DLGAP1: variants seen among roughly 807,000 people sequenced by gnomAD.
DLGAP1 encodes the protein disks large-associated protein 1.
DLGAP1 carries 11 observed loss-of-function variants against 90.8 expected under a neutral mutation model. That is an observed-to-expected ratio of 0.12 (90% CI 0.08 to 0.20). The LOEUF (loss-of-function observed/expected upper bound fraction) is 0.20. Ranked by LOEUF, DLGAP1 falls within the 10% of genes least tolerant of loss-of-function variation. The pLI, the probability that DLGAP1 is intolerant of heterozygous loss-of-function variation, is 1.00. For missense variants in DLGAP1, 1,050 were observed against 1,333.8 expected, an observed-to-expected ratio of 0.79 and a Z score of 3.31; for synonymous variants, 558 against 540.7, an observed-to-expected ratio of 1.03 and a Z score of -0.44.
intron 7 of DLGAP1, among the ~76,000 whole-genome samples, chr18:3,656,720 T>C (rs1301600945): frequency 6.6e-6 from 1 of 152,142 alleles, no homozygotes; most frequent in East Asian, 1.9e-4. Flanking sequence ...CTGATATTTA[T>C]GCACCTTTGC....
At chr18:3,931,616 C>G (rs2072516995) in intron 3 of DLGAP1, among the ~76,000 whole-genome samples, 1 of 152,108 alleles carries the variant, frequency 6.6e-6, no homozygotes, top group Non-Finnish European at 1.5e-5. Flanking sequence ...CTCGTCTGGC[C>G]TTTGGAAAGC....
At chr18:4,095,115 G>A (rs1408792298) in intron 2 of DLGAP1, among the ~76,000 whole-genome samples, 1 of 152,102 alleles carries the variant, frequency 6.6e-6, no homozygotes, top group Admixed American at 6.5e-5. Context: ...CTTCCTGAGA[G>A]CATTTGAAAT....
intron 1 of DLGAP1, among the ~76,000 whole-genome samples, chr18:4,152,366 T>C (rs2076689084): frequency 6.6e-6 from 1 of 152,218 alleles, no homozygotes; most frequent in Non-Finnish European, 1.5e-5. Context: ...ATTATAGTGC[T>C]TAAATGAGTG....
At chr18:3,759,151 C>G (rs1476003838) in intron 5 of DLGAP1, among the ~76,000 whole-genome samples, 1 of 151,982 alleles carries the variant, frequency 6.6e-6, no homozygotes, top group Non-Finnish European at 1.5e-5. Flanking sequence ...TTTGGTATCT[C>G]CTAGAAGCTC....
intron 1 of DLGAP1, among the ~76,000 whole-genome samples, chr18:4,238,112 A>G (rs1231636085): frequency 6.6e-6 from 1 of 152,146 alleles, no homozygotes; most frequent in African/African-American, 2.4e-5. Context: ...TTTAGATGTC[A>G]GATTTTTGGA....
At chr18:4,189,569 C>T (rs965432035) in intron 1 of DLGAP1, among the ~76,000 whole-genome samples, 3 of 152,060 alleles carry the variant, frequency 2.0e-5, no homozygotes, top group African/African-American at 7.2e-5. Context: ...TCAATGCAAT[C>T]CCAATCAAAA....
At chr18:4,073,549 G>A (rs1021132430) in intron 2 of DLGAP1, among the ~76,000 whole-genome samples, 3 of 152,136 alleles carry the variant, frequency 2.0e-5, no homozygotes, top group African/African-American at 7.2e-5. Context: ...AGAGGTAGAA[G>A]CATATCTAAG....
At chr18:3,629,024 C>G (rs1183307842) in intron 7 of DLGAP1, among the ~76,000 whole-genome samples, 1 of 152,136 alleles carries the variant, frequency 6.6e-6, no homozygotes, top group Non-Finnish European at 1.5e-5. Context: ...TTCATAATGT[C>G]AAATAATATT....
intron 3 of DLGAP1, among the ~76,000 whole-genome samples, chr18:3,903,092 G>A (rs1198815918): frequency 6.6e-6 from 1 of 152,044 alleles, no homozygotes; most frequent in Non-Finnish European, 1.5e-5. Context: ...TCAATTGCAC[G>A]CTCTTGGAAG....
In DLGAP1 at chr18:3,701,998, T is replaced by C. The variant is rs143625932; in HGVS notation, c.1591+27137A>G. ...AAGGTTGAGATGTATACATTTATGT[T>C]ATTCTCTATGTATGAGTACCCTGAC... is the stretch of plus-strand genomic sequence containing the variant. On this transcript the variant is annotated intron_variant, in intron 7 of 12. Transcript: ENST00000315677. 4.3e-4 allele frequency among the ~76,000 whole-genome samples: 66 copies of C among 152,256 alleles called. 1 individual carries two copies. The highest frequency in any genetic ancestry group is 7.4e-4 in the Non-Finnish European group (50 of 68,010).
At position 3,669,260 on chromosome 18, in the gene DLGAP1, G is replaced by C. The variant is rs60734229; in HGVS notation, c.1591+59875C>G. On this transcript the variant is annotated intron_variant, in intron 7 of 12. Transcript: ENST00000315677. The stretch of plus-strand genomic sequence containing the variant: ...AGTGCTGGGAAGGGAAGAGCGTGAT[G>C]CCTTTAAATGATACGGAAGAGGGGA... Among the ~76,000 whole-genome samples the C allele has an allele frequency of 0.016, 2,373 of 152,146 alleles. 94 individuals carry two copies. In the East Asian group the frequency reaches 0.16, roughly 10 times the overall value.
At chr18:4,219,139 G>C (rs1256868024) in intron 1 of DLGAP1, among the ~76,000 whole-genome samples, 1 of 142,480 alleles carries the variant, frequency 7.0e-6, no homozygotes, top group Non-Finnish European at 1.5e-5. Context: ...TTGTCAACAT[G>C]TTATCTTTTG....
At chr18:4,148,533 T>G (rs1328514074) in intron 2 of DLGAP1, among the ~76,000 whole-genome samples, 1 of 152,162 alleles carries the variant, frequency 6.6e-6, no homozygotes, top group Non-Finnish European at 1.5e-5. Flanking sequence ...TAATTTTTCT[T>G]TGGTTATTCA....
At chr18:3,540,084 C>T (rs983708120) in intron 9 of DLGAP1, among the ~76,000 whole-genome samples, 7 of 152,126 alleles carry the variant, frequency 4.6e-5, no homozygotes, top group Non-Finnish European at 8.8e-5. Flanking sequence ...AAATGGCACC[C>T]TTTCACTGAT....
intron 1 of DLGAP1, among the ~76,000 whole-genome samples, chr18:4,247,646 A>G (rs1040449480): frequency 1.3e-5 from 2 of 152,014 alleles, no homozygotes; most frequent in African/African-American, 2.4e-5. Flanking sequence ...GCGTGGTGGC[A>G]GGCGCCTGTA....
At chr18:3,830,090 G>T (rs1233530762) in intron 4 of DLGAP1, among the ~76,000 whole-genome samples, 1 of 152,200 alleles carries the variant, frequency 6.6e-6, no homozygotes, top group Non-Finnish European at 1.5e-5. Context: ...GACCCACAAA[G>T]GCCATGTAAG....
intron 2 of DLGAP1, among the ~76,000 whole-genome samples, chr18:4,027,630 G>T (rs1412201821): frequency 6.7e-6 from 1 of 149,524 alleles, no homozygotes; most frequent in Non-Finnish European, 1.5e-5. Flanking sequence ...AAAAATGTTA[G>T]TTCCCTCATA....
At chr18:3,850,391 C>CAA (rs996292450) in intron 4 of DLGAP1, among the ~76,000 whole-genome samples, 2 of 142,666 alleles carry the variant, frequency 1.4e-5, no homozygotes, top group Non-Finnish European at 3.1e-5. Flanking sequence ...GACTCCATCT[C>CAA]AAAAAAAAAA....
rs2051629378 is a variant in DLGAP1, at chr18:3,526,519, G to A, written c.2479+7675C>T. On this transcript the variant is annotated intron_variant, in intron 10 of 12. Coordinates refer to ENST00000315677, the MANE Select transcript of DLGAP1 (RefSeq NM_004746.4). The surrounding 1 kb of genome is among the most constrained non-coding windows in gnomAD (Gnocchi z 4.7). The stretch of plus-strand genomic sequence containing the variant: ...TCACTAGCTTGGATGCTATTACCAG[G>A]CAAAATTAAAGTGGAAGAATTAATC... Among the ~76,000 whole-genome samples the A allele has an allele frequency of 1.3e-5, 2 of 152,240 alleles. No individual in the cohort carries two copies. Among genetic ancestry groups the A allele is most frequent in the African/African-American group, 4.8e-5 (2 of 41,456 alleles).
Sources: allele counts gnomAD v4.1 joint callset (sites outside exome capture counted in the v4.1 genomes callset), GRCh38; gene constraint gnomAD v4.1.1; non-coding constraint Gnocchi (gnomAD v3.1); transcripts MANE v1.5; gene names NCBI Gene and HGNC (gene_info 2026-07-23, HGNC 2026-07-21).